The following TGFBR2 variants were observed in gnomAD, a reference collection of about 807,000 sequenced individuals.
TGFBR2 encodes transforming growth factor beta receptor 2.
Under a neutral mutation model 49.0 loss-of-function variants are expected in TGFBR2, and 18 were observed. The ratio of observed to expected loss-of-function variants is 0.37; its 90% CI spans 0.25 to 0.54. The LOEUF (loss-of-function observed/expected upper bound fraction) is 0.54, where lower values mean the gene tolerates loss of function less well. TGFBR2 is among the 20% of genes least tolerant of loss of function. The pLI is 0.85. For synonymous variants in TGFBR2, 282 were observed against 275.9 expected, an observed-to-expected ratio of 1.02 and a Z score of -0.22; for missense variants, 525 against 722.6, an observed-to-expected ratio of 0.73 and a Z score of 3.13.
At chr3:30,639,277 C>G (rs1216288231) in intron 1 of TGFBR2, among the ~76,000 whole-genome samples, 1 of 152,066 alleles carries the variant, frequency 6.6e-6, no homozygotes, top group East Asian at 1.9e-4. Context: ...GTTCTGGTGC[C>G]CACTAATCTC....
chr3:30,685,941 A>G (rs1699613042), intron 5 of TGFBR2, among the ~76,000 whole-genome samples: 1 of 151,290 alleles, frequency 6.6e-6, no homozygotes, highest in African/African-American at 2.4e-5. Flanking sequence ...TACAAATCCT[A>G]TCCTTTACTA....
chr3:30,689,030 G>A (rs1045634309), intron 6 of TGFBR2, among the ~76,000 whole-genome samples: 2 of 152,184 alleles, frequency 1.3e-5, no homozygotes, highest in East Asian at 1.9e-4. Flanking sequence ...GTGAGCACGC[G>A]TGGGAAAGAG....
chr3:30,661,779 G>A (rs1362749160), intron 3 of TGFBR2: 1 of 340,968 alleles, frequency 2.9e-6, no homozygotes. Flanking sequence ...TGCTACACAA[G>A]TTATATTCCA....
At chr3:30,631,860 C>T (rs1698444396) in intron 1 of TGFBR2, among the ~76,000 whole-genome samples, 1 of 152,074 alleles carries the variant, frequency 6.6e-6, no homozygotes, top group African/African-American at 2.4e-5. Flanking sequence ...TCAAAGCCCC[C>T]TCATGGTCGA....
intron 3 of TGFBR2, among the ~76,000 whole-genome samples, chr3:30,669,595 C>T (rs551616379): frequency 6.6e-6 from 1 of 152,260 alleles, no homozygotes; most frequent in Non-Finnish European, 1.5e-5. Flanking sequence ...ACTGGTCACC[C>T]CACCCTAATC....
chr3:30,678,061 G>C (rs763762776), intron 5 of TGFBR2, among the ~76,000 whole-genome samples: 2 of 152,144 alleles, frequency 1.3e-5, no homozygotes, highest in Non-Finnish European at 2.9e-5. Context: ...AGGAAATGTG[G>C]AATGTGCTTA....
intron 3 of TGFBR2, among the ~76,000 whole-genome samples, chr3:30,650,804 T>C (rs184291862): frequency 6.6e-6 from 1 of 152,264 alleles, no homozygotes; most frequent in African/African-American, 2.4e-5. Flanking sequence ...ATGAGAAACA[T>C]AGAGGGTGAA....
At chr3:30,631,073 G>C (rs1698428785) in intron 1 of TGFBR2, among the ~76,000 whole-genome samples, 2 of 132,186 alleles carry the variant, frequency 1.5e-5, no homozygotes, top group African/African-American at 2.9e-5. Context: ...ACAGAGTCTT[G>C]CTCTGTCGTA....
At chr3:30,632,587 C>G (rs1159176520) in intron 1 of TGFBR2, among the ~76,000 whole-genome samples, 1 of 152,196 alleles carries the variant, frequency 6.6e-6, no homozygotes, top group East Asian at 1.9e-4. Context: ...CTGCTACATT[C>G]TATTGATGAG....
Position 30,623,422 on chromosome 3 carries a change from C to T in TGFBR2, c.94+16445C>T, listed in dbSNP as rs181336337. On this transcript the variant is annotated intron_variant, in intron 1 of 6. Coordinates refer to ENST00000295754, the MANE Select transcript of TGFBR2 (RefSeq NM_003242.6). Reference sequence around the variant, plus strand: ...AGCTAAATTGTTAAAGAGGCGATGGCAGTGTACTCATCAGGAGACTTGTTC... The same window carrying T: ...AGCTAAATTGTTAAAGAGGCGATGGTAGTGTACTCATCAGGAGACTTGTTC... The T allele has an allele frequency of 3.5e-5, 35 of 989,092 alleles. No individual in the cohort carries two copies. The East Asian group carries it at 7.8e-4, about 22-fold the overall frequency. 61.3% of individuals were successfully genotyped at this position (989,092 alleles called of 1,614,324 possible). A position where few individuals can be genotyped will look rare whatever the true frequency, so the allele number is the denominator to read the frequency against.
At chr3:30,659,081 GAGTAAATGGTGTTTTGGT>G (rs1699061271) in intron 3 of TGFBR2, among the ~76,000 whole-genome samples, 1 of 152,212 alleles carries the variant, frequency 6.6e-6, no homozygotes. Flanking sequence ...GAAATGAAAA[GAGTAAATGGTGTTTTGGT>G]AGCTCTGGGG....
chr3:30,642,286 A>T (rs1698660506), intron 1 of TGFBR2, among the ~76,000 whole-genome samples: 1 of 150,570 alleles, frequency 6.6e-6, no homozygotes, highest in Non-Finnish European at 1.5e-5. Context: ...CATAAGTTGT[A>T]TATGTGTTTG....
intron 2 of TGFBR2, among the ~76,000 whole-genome samples, chr3:30,646,309 T>C (rs1431338010): frequency 2.0e-5 from 3 of 152,210 alleles, no homozygotes; most frequent in Non-Finnish European, 4.4e-5. Flanking sequence ...ATGATACCTG[T>C]CCATGTCCAC....
chr3:30,665,732 A>G (rs1361000888), intron 3 of TGFBR2, among the ~76,000 whole-genome samples: 1 of 152,172 alleles, frequency 6.6e-6, no homozygotes, highest in African/African-American at 2.4e-5. Context: ...CTAGAGCCCA[A>G]ATGCCTTCAC....
At chr3:30,687,185 AGCCTGAG>A (rs1699637501) in intron 5 of TGFBR2, among the ~76,000 whole-genome samples, 1 of 152,214 alleles carries the variant, frequency 6.6e-6, no homozygotes, top group African/African-American at 2.4e-5. Flanking sequence ...CCTTAGTTGA[AGCCTGAG>A]GCCCCGGTGA....
At chr3:30,614,115 C>CTTT (rs5847643) in intron 1 of TGFBR2, among the ~76,000 whole-genome samples, 6 of 120,626 alleles carry the variant, frequency 5.0e-5, no homozygotes, top group African/African-American at 9.6e-5. Context: ...TTTTTCTTTC[C>CTTT]TTTTTTTTTT....
intron 6 of TGFBR2, among the ~76,000 whole-genome samples, chr3:30,691,144 T>A (rs1376794005): frequency 2.0e-5 from 3 of 152,092 alleles, no homozygotes; most frequent in African/African-American, 7.2e-5. Context: ...CAGCAGAGGA[T>A]CATTGTGCTG....
chr3:30,681,868 C>T lies in TGFBR2; in HGVS notation c.1397-6516C>T, dbSNP rs1575162566. 2.0e-5 allele frequency among the ~76,000 whole-genome samples: 3 copies of T among 152,006 alleles called. No homozygotes were observed. The South Asian group carries it at 6.2e-4, about 31-fold the overall frequency. On this transcript the variant is annotated intron_variant, in intron 5 of 6. Coordinates refer to ENST00000295754, the MANE Select transcript of TGFBR2 (RefSeq NM_003242.6). ...TAGTAGTTTATTTGGGAAGAGATTG[C>T]AGGAAATGCCAGTAAGAGAATGAGG...
Position 30,637,012 on chromosome 3 carries a change from C to T in TGFBR2, c.95-7735C>T, listed in dbSNP as rs532945826. Among the ~76,000 whole-genome samples, 249 of 149,112 alleles carry T rather than the reference C, an allele frequency of 1.7e-3. 1 individual carries two copies. The highest frequency in any genetic ancestry group is 3.0e-3 in the Non-Finnish European group (205 of 67,560). ...CTGGGAGGCAGAGCTTATAGTGAGC[C>T]GAGATCGCGCCACTGCACTCCAGCC... On this transcript the variant is annotated intron_variant, in intron 1 of 6. Coordinates refer to ENST00000295754, the MANE Select transcript of TGFBR2 (RefSeq NM_003242.6).
Sources: allele counts gnomAD v4.1 joint callset (sites outside exome capture counted in the v4.1 genomes callset), GRCh38; gene constraint gnomAD v4.1.1; transcripts MANE v1.5; gene names NCBI Gene and HGNC (gene_info 2026-07-23, HGNC 2026-07-21).